PSPC1: variants seen among roughly 807,000 people sequenced by gnomAD.
PSPC1 encodes the protein paraspeckle protein 1.
A neutral mutation model predicts 51.6 loss-of-function variants in PSPC1; 14 were observed. The observed-to-expected ratio is 0.27, with a 90% confidence interval of 0.18 to 0.42. The LOEUF is 0.42. PSPC1 is among the 10% of genes least tolerant of loss of function. The pLI is 1.00. For synonymous variants in PSPC1, 193 were observed against 231.9 expected, an observed-to-expected ratio of 0.83 and a Z score of 1.53; for missense variants, 406 against 701.1, an observed-to-expected ratio of 0.58 and a Z score of 4.75.
intron 6 of PSPC1, among the ~76,000 whole-genome samples, chr13:19,684,188 A>C (rs1253159010): frequency 4.6e-5 from 7 of 152,224 alleles, no homozygotes; most frequent in African/African-American, 1.7e-4. Flanking sequence ...ATCCAGAATT[A>C]TCTTCTTGTG....
chr13:19,698,971 T>C (rs201440098), downstream of PSPC1, among the ~76,000 whole-genome samples: 16 of 151,888 alleles, frequency 1.1e-4, no homozygotes, highest in East Asian at 2.9e-3. Context: ...TGTAATCAAA[T>C]AGTAAGTTTC....
At chr13:19,781,988 G>A (rs1288175250) in intron 1 of PSPC1, among the ~76,000 whole-genome samples, 1 of 152,134 alleles carries the variant, frequency 6.6e-6, no homozygotes. Flanking sequence ...TTTTTGCCTT[G>A]AAGAATTCTC....
chr13:19,722,725 C>T (rs752595443), intron 6 of PSPC1, among the ~76,000 whole-genome samples: 3 of 152,096 alleles, frequency 2.0e-5, no homozygotes, highest in African/African-American at 7.2e-5. Context: ...ACCTGGGAGG[C>T]GGAGGTTGCC....
rs77302297 is a variant in PSPC1, at chr13:19,713,287, C to T, written c.1159-3688G>A. ...ACCAACATCTCAAAAGACTGCAGTG[C>T]GCTAAAATAAACCTATGATGAAAAC... On this transcript the variant is annotated intron_variant, in intron 6 of 8. Transcript: ENST00000338910. Among the ~76,000 whole-genome samples the T allele has an allele frequency of 1.8e-3, 280 of 152,050 alleles. 4 individuals are homozygous for T. The highest frequency in any genetic ancestry group is 0.013 in the East Asian group (69 of 5,186).
At chr13:19,704,301 C>T (rs1399519144) in intron 8 of PSPC1, among the ~76,000 whole-genome samples, 2 of 152,100 alleles carry the variant, frequency 1.3e-5, no homozygotes, top group African/African-American at 2.4e-5. Context: ...TTCATAGTAG[C>T]CGTGCACTGC....
At chr13:19,779,386 T>C (rs1262774570) in intron 1 of PSPC1, among the ~76,000 whole-genome samples, 2 of 75,592 alleles carry the variant, frequency 2.6e-5, no homozygotes, top group Non-Finnish European at 5.5e-5. Flanking sequence ...GGTGGGGGGG[T>C]CAGCCCCCCG....
intron 8 of PSPC1, among the ~76,000 whole-genome samples, chr13:19,704,848 T>TATTTA: frequency 1.3e-5 from 2 of 152,180 alleles, no homozygotes; most frequent in Non-Finnish European, 2.9e-5. Flanking sequence ...TTACTAAATA[T>TATTTA]AATTTAAAAT....
At chr13:19,776,132 G>A (rs1163948789) in intron 1 of PSPC1, among the ~76,000 whole-genome samples, 4 of 152,048 alleles carry the variant, frequency 2.6e-5, no homozygotes, top group African/African-American at 4.8e-5. Context: ...TTTGATAGGG[G>A]TTTGAGTTAA....
At chr13:19,719,869 C>T (rs1302444984) in intron 6 of PSPC1, among the ~76,000 whole-genome samples, 3 of 152,128 alleles carry the variant, frequency 2.0e-5, no homozygotes, top group Middle Eastern at 3.4e-3. Context: ...TTTTAAGAGA[C>T]GGGCCTCTCA....
At chr13:19,741,478 C>T (rs1885426351) in intron 5 of PSPC1, 87 bp downstream of exon 5, 2 of 942,962 alleles carry the variant, frequency 2.1e-6, no homozygotes, top group Non-Finnish European at 3.2e-6. Context: ...TCCTGTGATA[C>T]TCAACTTATA....
In PSPC1 at chr13:19,750,784, T is replaced by A. The variant is rs1025901104; in HGVS notation, c.967+487A>T. On this transcript the variant is annotated intron_variant, in intron 4 of 8. Coordinates refer to ENST00000338910, the MANE Select transcript of PSPC1 (RefSeq NM_001354909.2). ...AAGTAAAACTAACTTTTTAATTTTT[T>A]TTTTGAGACAGTTTTGCTCTTGTTG... Among the ~76,000 whole-genome samples, 4 of 11,954 alleles carry A rather than the reference T, an allele frequency of 3.3e-4. No homozygotes were observed. The Non-Finnish European group carries it at 5.2e-3, about 15-fold the overall frequency. The allele number at this position is 11,954 out of a possible 152,430, so 7.8% of individuals were successfully genotyped here. A position where few individuals can be genotyped will look rare whatever the true frequency, so the allele number is the denominator to read the frequency against.
At chr13:19,713,746 A>C (rs548978473) in intron 6 of PSPC1, among the ~76,000 whole-genome samples, 1 of 152,260 alleles carries the variant, frequency 6.6e-6, no homozygotes, top group East Asian at 1.9e-4. Context: ...TAATTCCCAG[A>C]ACCACATGTC....
rs150798722 is a variant in PSPC1, at chr13:19,725,913, T to C, written c.1158+4326A>G. Among the ~76,000 whole-genome samples, 316 of 152,216 alleles carry C rather than the reference T, an allele frequency of 2.1e-3. 1 individual carries two copies. The highest frequency in any genetic ancestry group is 5.4e-3 in the South Asian group (26 of 4,822). On this transcript the variant is annotated intron_variant, in intron 6 of 8. Coordinates refer to ENST00000338910, the MANE Select transcript of PSPC1 (RefSeq NM_001354909.2). ...CAGTGGTAGGCAACTGTAGTCCCAC[T>C]ATTCAGGAGACTGAGACAGGAGGAT...
chr13:19,696,018 C>A (rs1023230), intron 6 of PSPC1, among the ~76,000 whole-genome samples: 1 of 151,942 alleles, frequency 6.6e-6, no homozygotes, highest in Non-Finnish European at 1.5e-5. Flanking sequence ...TGGGCCTCCA[C>A]GAAGCGAGGA....
intron 6 of PSPC1, among the ~76,000 whole-genome samples, chr13:19,710,842 A>T (rs1881303497): frequency 6.7e-6 from 1 of 149,032 alleles, no homozygotes; most frequent in African/African-American, 2.5e-5. Context: ...AAAAAGCTTA[A>T]TTTTTTTTTT....
At chr13:19,757,129 CA>C (rs56303316) in intron 3 of PSPC1, among the ~76,000 whole-genome samples, 82,837 of 109,956 alleles carry the variant, frequency 0.75, 29,944 homozygotes, top group East Asian at 0.93. Flanking sequence ...GACTCCGTCT[CA>C]AAAAAAAAAA....
At chr13:19,715,553 G>A in intron 6 of PSPC1, among the ~76,000 whole-genome samples, 1 of 152,122 alleles carries the variant, frequency 6.6e-6, no homozygotes, top group East Asian at 1.9e-4. Flanking sequence ...CTCATGTGAT[G>A]GGTCTAAGTC....
intron 3 of PSPC1, among the ~76,000 whole-genome samples, 194 bp downstream of exon 3, chr13:19,759,129 G>A (rs1215844906): frequency 1.3e-5 from 2 of 151,510 alleles, no homozygotes; most frequent in African/African-American, 4.9e-5. Context: ...CAGCCTGGGC[G>A]ACAGAGCAAG....
intron 6 of PSPC1, among the ~76,000 whole-genome samples, chr13:19,681,912 TCTA>T (rs1291592835): frequency 6.6e-6 from 1 of 152,246 alleles, no homozygotes; most frequent in East Asian, 1.9e-4. Context: ...GCTGCTCTAT[TCTA>T]CTGTTAACTG....
Sources: gnomAD v4.1 joint callset for allele counts (sites outside exome capture counted in the v4.1 genomes callset) on GRCh38, gnomAD v4.1.1 for gene constraint, MANE v1.5 for transcripts, NCBI Gene and HGNC (gene_info 2026-07-23, HGNC 2026-07-21) for gene names.